FAM135B: variants seen among roughly 807,000 people sequenced by gnomAD.
The protein encoded by FAM135B is family with sequence similarity 135 member B.
A neutral mutation model predicts 127.7 loss-of-function variants in FAM135B; 43 were observed. That is an observed-to-expected ratio of 0.34 (90% CI 0.26 to 0.43). The LOEUF (loss-of-function observed/expected upper bound fraction) is 0.43, where lower values mean the gene tolerates loss of function less well. Ranked by LOEUF, FAM135B falls within the 20% of genes least tolerant of loss-of-function variation. The pLI is 1.00. For missense variants in FAM135B, 1,558 were observed against 1,725.6 expected, an observed-to-expected ratio of 0.90 and a Z score of 1.72; for synonymous variants, 670 against 665.1, an observed-to-expected ratio of 1.01 and a Z score of -0.11.
At chr8:138,284,621 G>A (rs1379039243) in intron 3 of FAM135B, among the ~76,000 whole-genome samples, 1 of 150,632 alleles carries the variant, frequency 6.6e-6, no homozygotes. Flanking sequence ...AGCTACCTTT[G>A]CCCATGCTGT....
intron 2 of FAM135B, among the ~76,000 whole-genome samples, chr8:138,313,987 T>C (rs1057366769): frequency 1.3e-5 from 2 of 151,978 alleles, no homozygotes; most frequent in Non-Finnish European, 2.9e-5. Context: ...TCTCACATAT[T>C]TGTGTACTCT....
chr8:138,210,549 T>C (rs1818058704), intron 7 of FAM135B, among the ~76,000 whole-genome samples: 1 of 152,108 alleles, frequency 6.6e-6, no homozygotes, highest in Admixed American at 6.5e-5. Flanking sequence ...GCAAGCACTT[T>C]CTTCACATCG....
chr8:138,491,010 A>T (rs1310350323), intron 1 of FAM135B, among the ~76,000 whole-genome samples: 1 of 151,940 alleles, frequency 6.6e-6, no homozygotes, highest in Admixed American at 6.6e-5. Context: ...GCATGGTGGC[A>T]CATGCCTGTA....
intron 13 of FAM135B, among the ~76,000 whole-genome samples, chr8:138,150,325 G>A (rs576611715): frequency 6.6e-6 from 1 of 152,138 alleles, no homozygotes; most frequent in Non-Finnish European, 1.5e-5. Flanking sequence ...AACATGAAAA[G>A]GTAGAGGTAC....
intron 1 of FAM135B, among the ~76,000 whole-genome samples, chr8:138,460,553 C>A (rs2131615294): frequency 6.6e-6 from 1 of 152,278 alleles, no homozygotes; most frequent in South Asian, 2.1e-4. Context: ...CTCCCCATGC[C>A]TCAGAGTATA....
chr8:138,261,596 C>T (rs1444392148), intron 4 of FAM135B, among the ~76,000 whole-genome samples: 1 of 152,192 alleles, frequency 6.6e-6, no homozygotes, highest in African/African-American at 2.4e-5. Flanking sequence ...TTTTGTAAGG[C>T]TTCCCAAATC....
At chr8:138,358,465 T>C (rs1303029262) in intron 2 of FAM135B, 2 of 152,168 alleles carry the variant, frequency 1.3e-5, no homozygotes. Flanking sequence ...GAGTAGTCCA[T>C]AGAGGGCTTG....
chr8:138,293,063 G>C (rs1374324580), intron 3 of FAM135B, among the ~76,000 whole-genome samples: 80 of 152,064 alleles, frequency 5.3e-4, no homozygotes, highest in Non-Finnish European at 1.2e-4. Flanking sequence ...ATACAGACTA[G>C]TGGAAAAGAA....
chr8:138,457,095 A>T (rs1836825263), intron 1 of FAM135B, among the ~76,000 whole-genome samples: 6 of 114,112 alleles, frequency 5.3e-5, no homozygotes. Context: ...ATGCCTCTAG[A>T]AAAGAGAAGG....
At chr8:138,312,610 T>G (rs116274917) in intron 2 of FAM135B, among the ~76,000 whole-genome samples, 1,889 of 152,118 alleles carry the variant, frequency 0.012, 31 homozygotes, top group African/African-American at 0.043. Context: ...GACAGAAAAC[T>G]TTTAGGCAAC....
At chr8:138,476,847 A>C (rs950735434) in intron 1 of FAM135B, among the ~76,000 whole-genome samples, 1 of 152,200 alleles carries the variant, frequency 6.6e-6, no homozygotes. Flanking sequence ...GCTTCTTGTA[A>C]AATGACCCCT....
chr8:138,374,657 G>C (rs975825117), intron 1 of FAM135B, among the ~76,000 whole-genome samples: 1 of 152,202 alleles, frequency 6.6e-6, no homozygotes, highest in Non-Finnish European at 1.5e-5. Context: ...CAAAGCAACA[G>C]AAACTAAGAC....
At position 138,146,049 on chromosome 8, in the gene FAM135B, C is replaced by G. The variant is rs770702397; in HGVS notation, c.3450G>C (p.Gly1150=). 2.5e-6 allele frequency: 4 copies of G among 1,584,402 alleles called. No individual in the cohort carries two copies. In the South Asian group the frequency reaches 4.5e-5, roughly 18 times the overall value. ...HLVVCVHGLD[G]NSADLRLVKT... ...TTACCAGCCGGAGGTCTGCACTGTT[C>G]CCTAAAAATGACAGATAACCCCCAT... The change falls in exon 15 of 20, where the codon GGG becomes GGC. Residue 1150 remains glycine, a splice_region_variant and synonymous_variant. Coordinates refer to ENST00000395297, the MANE Select transcript of FAM135B (RefSeq NM_015912.4).
chr8:138,243,088 A>G lies in FAM135B; in HGVS notation c.543-20T>C. The stretch of plus-strand genomic sequence containing the variant: ...GTAAAACTAAACAAAAGATAATTGA[A>G]AGGGTGAAAAAGGAGGTAAAGAAAG... On this transcript the variant is annotated intron_variant, in intron 6 of 19. Transcript: ENST00000395297. The surrounding 1 kb of genome is among the most constrained non-coding windows in gnomAD (Gnocchi z 7.5). 6 of 1,596,956 alleles carry G rather than the reference A, an allele frequency of 3.8e-6. No individual in the cohort carries two copies. Among genetic ancestry groups the G allele is most frequent in the Non-Finnish European group, 5.1e-6 (6 of 1,172,286 alleles).
intron 11 of FAM135B, among the ~76,000 whole-genome samples, chr8:138,174,309 G>A (rs1305545921): frequency 6.6e-6 from 1 of 152,144 alleles, no homozygotes; most frequent in South Asian, 2.1e-4. Flanking sequence ...TGTCCATCCT[G>A]ATTTGGGAGT....
chr8:138,428,680 A>G (rs1835032670), intron 1 of FAM135B, among the ~76,000 whole-genome samples: 1 of 152,030 alleles, frequency 6.6e-6, no homozygotes, highest in South Asian at 2.1e-4. Flanking sequence ...CTCCACCACA[A>G]AAGCTACCTC....
chr8:138,326,450 C>G (rs1827801744), intron 2 of FAM135B, among the ~76,000 whole-genome samples: 1 of 152,132 alleles, frequency 6.6e-6, no homozygotes, highest in African/African-American at 2.4e-5. Flanking sequence ...TTAAAGCAGG[C>G]CTTCAAGCGA....
chr8:138,304,167 G>A (rs1826075427), intron 3 of FAM135B, among the ~76,000 whole-genome samples: 1 of 152,144 alleles, frequency 6.6e-6, no homozygotes, highest in Non-Finnish European at 1.5e-5. Flanking sequence ...AGGCAACTTG[G>A]GAGTGAGCCT....
intron 1 of FAM135B, among the ~76,000 whole-genome samples, chr8:138,378,508 C>A (rs1266657919): frequency 6.6e-6 from 1 of 152,130 alleles, no homozygotes; most frequent in Non-Finnish European, 1.5e-5. Context: ...GTAGCAATGG[C>A]AGGAGAGGAA....
Sources: gnomAD v4.1 joint callset for allele counts (sites outside exome capture counted in the v4.1 genomes callset) on GRCh38, gnomAD v4.1.1 for gene constraint, Gnocchi (gnomAD v3.1) non-coding constraint, MANE v1.5 for transcripts, NCBI Gene and HGNC (gene_info 2026-07-23, HGNC 2026-07-21) for gene names.